Variants in ERMP1 observed in about 807,000 individuals in gnomAD.
ERMP1 encodes endoplasmic reticulum metallopeptidase 1, also known as Felix-ina.
ERMP1 carries 86 observed loss-of-function variants against 92.0 expected under a neutral mutation model. That is an observed-to-expected ratio of 0.93 (90% CI 0.79 to 1.12). The LOEUF is 1.12. Among genes scored for constraint, ERMP1 ranks in the 50% most tolerant of loss-of-function variants. The pLI is 0.00. For missense variants in ERMP1, 1,342 were observed against 1,116.3 expected (o/e 1.20, Z -2.88); for synonymous variants, 530 against 412.8 (o/e 1.28, Z -3.44).
At chr9:5,822,457 C>G (rs1429855435) in intron 4 of ERMP1, among the ~76,000 whole-genome samples, 1 of 152,110 alleles carries the variant, frequency 6.6e-6, no homozygotes, top group Non-Finnish European at 1.5e-5. Flanking sequence ...AATATACATA[C>G]ATTTTGAAAG....
At chr9:5,802,771 G>A (rs1023391409) in intron 10 of ERMP1, among the ~76,000 whole-genome samples, 3 of 152,160 alleles carry the variant, frequency 2.0e-5, no homozygotes, top group African/African-American at 4.8e-5. Context: ...AGGGGAAATG[G>A]GGACTGCTGA....
chr9:5,827,742 G>C (rs187231834), intron 2 of ERMP1, among the ~76,000 whole-genome samples: 1 of 152,094 alleles, frequency 6.6e-6, no homozygotes, highest in Non-Finnish European at 1.5e-5. Flanking sequence ...GCATGAACCC[G>C]GGAGGCGGAG....
chr9:5,826,794 CAATAA>C (rs1334219511), intron 2 of ERMP1, among the ~76,000 whole-genome samples: 1 of 152,018 alleles, frequency 6.6e-6, no homozygotes, highest in East Asian at 1.9e-4. Flanking sequence ...AGAGAGCAAA[CAATAA>C]AATGTTTCTT....
chr9:5,803,280 G>A (rs531811642), intron 10 of ERMP1, among the ~76,000 whole-genome samples: 4 of 152,256 alleles, frequency 2.6e-5, no homozygotes, highest in African/African-American at 7.2e-5. Flanking sequence ...GCATCAAAGT[G>A]CGGCAGGGCT....
intron 13 of ERMP1, among the ~76,000 whole-genome samples, chr9:5,789,155 C>T (rs1357884464): frequency 6.6e-6 from 1 of 152,168 alleles, no homozygotes; most frequent in South Asian, 2.1e-4. Context: ...TGAATCTACA[C>T]ATTGAAAGAG....
chr9:5,837,887 G>A (rs987736989), upstream of ERMP1, among the ~76,000 whole-genome samples: 2 of 152,170 alleles, frequency 1.3e-5, no homozygotes, highest in Admixed American at 1.3e-4. Context: ...CAGATAACTT[G>A]AGGCCAGGAA....
At chr9:5,789,335 TA>T (rs941016946) in intron 13 of ERMP1, among the ~76,000 whole-genome samples, 8 of 152,166 alleles carry the variant, frequency 5.3e-5, no homozygotes, top group African/African-American at 1.9e-4. Context: ...AAACAATATA[TA>T]AAACAAGGCA....
At chr9:5,837,695 T>C (rs929140147), upstream of ERMP1, among the ~76,000 whole-genome samples, 3 of 152,160 alleles carry the variant, frequency 2.0e-5, no homozygotes, top group Non-Finnish European at 4.4e-5. Flanking sequence ...TATGCATGCG[T>C]GCACAAAAAT....
intron 6 of ERMP1, among the ~76,000 whole-genome samples, chr9:5,842,985 A>G (rs1830184470): frequency 1.3e-5 from 2 of 152,262 alleles, no homozygotes; most frequent in South Asian, 4.1e-4. Context: ...GAAGCTCCAC[A>G]AAGTTGTGAG....
intron 1 of ERMP1, among the ~76,000 whole-genome samples, chr9:5,831,789 A>G (rs1196216111): frequency 1.3e-5 from 2 of 152,178 alleles, no homozygotes; most frequent in Non-Finnish European, 2.9e-5. Context: ...TAGCCCTCCT[A>G]GCATACACCC....
Position 5,830,880 on chromosome 9 carries a change from G to T in ERMP1, c.487C>A (p.Arg163=). The change falls in exon 2 of 15, where the codon CGG becomes AGG. Residue 163 remains arginine (R), a synonymous_variant. Coordinates refer to ENST00000339450, the MANE Select transcript of ERMP1 (RefSeq NM_024896.3). ...SLHKISVDVQ[R]PTGSFSIDFL... The stretch of plus-strand genomic sequence containing the variant: ...TCAATGCTAAAAGAGCCTGTGGGCC[G>T]TTGTACATCTACTGAAATCTTATGA... 1 of 1,614,142 alleles carries T rather than the reference G, an allele frequency of 6.2e-7. No individual in the cohort carries two copies. Among genetic ancestry groups the T allele is most frequent in the Non-Finnish European group, 8.5e-7 (1 of 1,180,016 alleles).
chr9:5,832,006 T>A (rs1300038839), intron 1 of ERMP1, among the ~76,000 whole-genome samples: 1 of 152,058 alleles, frequency 6.6e-6, no homozygotes, highest in African/African-American at 2.4e-5. Flanking sequence ...TGACGCCAGC[T>A]TAACACTTCA....
chr9:5,832,840 C>G lies in ERMP1; in HGVS notation c.188G>C (p.Gly63Ala), dbSNP rs62638713. The G allele has an allele frequency of 6.7e-7, 1 of 1,503,422 alleles. No homozygotes were observed. Among genetic ancestry groups the G allele is most frequent in the East Asian group, 2.8e-5 (1 of 35,942 alleles). 93.1% of individuals were successfully genotyped at this position (1,503,422 alleles called of 1,614,324 possible). ...SPGGSGGASR[G>A]AGTGLSEVRA... ...CACCTCAGACAGCCCGGTCCCCGCG[C>G]CCCTGCTCGCGCCGCCGCTACCCCC... is the stretch of plus-strand genomic sequence containing the variant. Residue 63 changes from glycine to alanine, a missense_variant, in exon 1 of 15, where the codon GGC becomes GCC. Transcript: ENST00000339450.
intron 6 of ERMP1, among the ~76,000 whole-genome samples, chr9:5,849,971 T>C (rs1051917984): frequency 3.3e-5 from 5 of 152,196 alleles, no homozygotes; most frequent in African/African-American, 7.2e-5. Context: ...CATGGTGGGA[T>C]TGTGGATTTC....
At chr9:5,844,824 C>A (rs10815291) in intron 6 of ERMP1, among the ~76,000 whole-genome samples, 74,701 of 151,964 alleles carry the variant, frequency 0.49, 20,687 homozygotes, top group South Asian at 0.67. Context: ...TGGTTGTGAA[C>A]CTCAGGTCTT....
At chr9:5,858,904 G>A (rs992219229) in intron 6 of ERMP1, among the ~76,000 whole-genome samples, 2 of 152,220 alleles carry the variant, frequency 1.3e-5, no homozygotes, top group Non-Finnish European at 2.9e-5. Context: ...TCAAGCAGTG[G>A]TTCCTTCCCC....
At chr9:5,857,179 G>A (rs936962259) in intron 6 of ERMP1, among the ~76,000 whole-genome samples, 31 of 152,034 alleles carry the variant, frequency 2.0e-4, no homozygotes, top group African/African-American at 7.2e-4. Flanking sequence ...GTGCAATCAT[G>A]CCTGGCTAAT....
At chr9:5,837,123 C>A (rs948823406), upstream of ERMP1, among the ~76,000 whole-genome samples, 5 of 152,138 alleles carry the variant, frequency 3.3e-5, no homozygotes, top group African/African-American at 1.2e-4. Flanking sequence ...AAAAGCCTTT[C>A]TGAAACAAAT....
intron 10 of ERMP1, among the ~76,000 whole-genome samples, chr9:5,803,659 C>G (rs1393457190): frequency 6.6e-6 from 1 of 152,112 alleles, no homozygotes; most frequent in Admixed American, 6.5e-5. Flanking sequence ...CTATAGATAA[C>G]AAAAGTCCAC....
Sources: gnomAD v4.1 joint callset for allele counts (sites outside exome capture counted in the v4.1 genomes callset) on GRCh38, gnomAD v4.1.1 for gene constraint, MANE v1.5 for transcripts, NCBI Gene and HGNC (gene_info 2026-07-23, HGNC 2026-07-21) for gene names.